RYR2: variants seen among roughly 807,000 people sequenced by gnomAD.
RYR2 encodes the protein cardiac muscle ryanodine receptor-calcium release channel.
A neutral mutation model predicts 601.1 loss-of-function variants in RYR2; 227 were observed. The ratio of observed to expected loss-of-function variants is 0.38; its 90% CI spans 0.34 to 0.42. RYR2 has a LOEUF of 0.42. Ranked by LOEUF, RYR2 falls within the 10% of genes least tolerant of loss-of-function variation. The pLI is 1.00. For missense variants in RYR2, 4,646 were observed against 6,156.5 expected (o/e 0.75, Z 8.21); for synonymous variants, 2,223 against 2,175.1 (o/e 1.02, Z -0.61).
chr1:237,743,233 G>A (rs529440770), intron 80 of RYR2, among the ~76,000 whole-genome samples: 88 of 152,228 alleles, frequency 5.8e-4, no homozygotes, highest in Middle Eastern at 3.4e-3. Context: ...CCACAAAAAC[G>A]TATTAGCCAA....
chr1:237,224,968 G>C (rs558104069), intron 1 of RYR2, among the ~76,000 whole-genome samples: 1 of 152,304 alleles, frequency 6.6e-6, no homozygotes, highest in African/African-American at 2.4e-5. Flanking sequence ...GGCAGAGAGG[G>C]ATTTGAACAT....
At chr1:237,736,455 C>T (rs1691155185) in intron 79 of RYR2, among the ~76,000 whole-genome samples, 1 of 81,892 alleles carries the variant, frequency 1.2e-5, no homozygotes. Context: ...GAGTGAGAGT[C>T]CGTTTCAAAA....
At chr1:237,504,557 G>A (rs1040822325) in intron 22 of RYR2, among the ~76,000 whole-genome samples, 8 of 152,172 alleles carry the variant, frequency 5.3e-5, no homozygotes, top group Admixed American at 3.9e-4. Flanking sequence ...GCAAGTCACA[G>A]GGGATGCGAA....
intron 2 of RYR2, among the ~76,000 whole-genome samples, chr1:237,301,770 A>G (rs145531719): frequency 1.3e-5 from 2 of 152,264 alleles, no homozygotes; most frequent in South Asian, 2.1e-4. Flanking sequence ...CTTTATTCGC[A>G]TGGTAGAATT....
At chr1:237,445,255 T>C in intron 13 of RYR2, 146 bp from the exon 14 acceptor site, 1 of 888,774 alleles carries the variant, frequency 1.1e-6, no homozygotes, top group Admixed American at 2.6e-5. Context: ...TATGATTTTA[T>C]CTGAACGTAA....
In RYR2 at chr1:237,105,272, G is replaced by T. The variant is rs143807572; in HGVS notation, c.48+62703G>T. On this transcript the variant is annotated intron_variant, in intron 1 of 104. Transcript: ENST00000366574. ...GCCCTCATGGGGCTGAGAGTCTGGT[G>T]GGGAAGACCTGTTGAAAAACAATCA... 9.2e-5 allele frequency among the ~76,000 whole-genome samples: 14 copies of T among 152,282 alleles called. No individual in the cohort carries two copies. The East Asian group carries it at 2.7e-3, about 29-fold the overall frequency.
chr1:237,449,860 G>T (rs968170391), intron 14 of RYR2, among the ~76,000 whole-genome samples: 10 of 151,734 alleles, frequency 6.6e-5, no homozygotes, highest in African/African-American at 2.4e-4. Flanking sequence ...CAGACATTGT[G>T]AATTTGTTAG....
intron 62 of RYR2, among the ~76,000 whole-genome samples, chr1:237,683,710 T>A (rs953074168): frequency 1.3e-5 from 2 of 152,212 alleles, no homozygotes; most frequent in African/African-American, 4.8e-5. Flanking sequence ...AATTCATTAA[T>A]ACTAAGAAGC....
At chr1:237,518,150 C>G (rs1666742179) in intron 24 of RYR2, among the ~76,000 whole-genome samples, 1 of 152,118 alleles carries the variant, frequency 6.6e-6, no homozygotes, top group African/African-American at 2.4e-5. Flanking sequence ...GATTGCCACC[C>G]TATGCTAACC....
intron 3 of RYR2, among the ~76,000 whole-genome samples, chr1:237,343,286 G>C (rs1474250289): frequency 6.6e-6 from 1 of 151,310 alleles, no homozygotes; most frequent in Non-Finnish European, 1.5e-5. Flanking sequence ...CAAAGATAAA[G>C]CTAAATGAAA....
intron 18 of RYR2, 89 bp downstream of exon 18, chr1:237,492,013 A>G (rs530664209): frequency 1.0e-5 from 7 of 678,334 alleles, no homozygotes; most frequent in Non-Finnish European, 1.8e-5. Flanking sequence ...AGTGTGTCAA[A>G]TTTTTCATGA....
chr1:237,494,941 C>T (rs1001295662), intron 19 of RYR2, among the ~76,000 whole-genome samples: 4 of 152,032 alleles, frequency 2.6e-5, no homozygotes, highest in Non-Finnish European at 5.9e-5. Flanking sequence ...CAGGTGCACA[C>T]CACCACACCC....
intron 6 of RYR2, among the ~76,000 whole-genome samples, chr1:237,371,752 A>G (rs1250112670): frequency 3.9e-5 from 6 of 152,214 alleles, no homozygotes; most frequent in Non-Finnish European, 8.8e-5. Context: ...TTGTAGGGAC[A>G]TGGATGAAGC....
At chr1:237,436,521 G>GTCAGTACC (rs1462058982) in intron 12 of RYR2, among the ~76,000 whole-genome samples, 1 of 127,234 alleles carries the variant, frequency 7.9e-6, no homozygotes, top group Non-Finnish European at 1.6e-5. Flanking sequence ...GGCCTGGCCT[G>GTCAGTACC]TCAGTACCAG....
chr1:237,431,950 T>C (rs923544404), intron 12 of RYR2, among the ~76,000 whole-genome samples: 1 of 152,202 alleles, frequency 6.6e-6, no homozygotes, highest in Non-Finnish European at 1.5e-5. Flanking sequence ...TTTTGATAGA[T>C]GAAAAATCAG....
chr1:237,548,460 C>A lies in RYR2; in HGVS notation c.2936C>A (p.Ala979Asp). The change falls in exon 26 of 105, where the codon GCC (alanine) becomes GAC (aspartate). Residue 979 changes from alanine to aspartate, a missense_variant. By Grantham distance (126) the Ala-to-Asp change is moderately radical. Transcript: ENST00000366574. ...NYQLTSGYKPAPMDLSFIKLT... is the reference protein window; with the variant it reads ...NYQLTSGYKPDPMDLSFIKLT... ...CAGCTGACAAGTGGATACAAGCCTG[C>A]CCCTATGGACCTGAGCTTTATCAAA... 1 of 1,613,932 alleles carries A rather than the reference C, an allele frequency of 6.2e-7. No individual in the cohort carries two copies. The highest frequency in any genetic ancestry group is 8.5e-7 in the Non-Finnish European group (1 of 1,179,874).
intron 2 of RYR2, among the ~76,000 whole-genome samples, chr1:237,324,664 T>A (rs1695974649): frequency 6.6e-6 from 1 of 152,192 alleles, no homozygotes; most frequent in African/African-American, 2.4e-5. Flanking sequence ...CGGATAAGTA[T>A]TTTTCCACTT....
chr1:237,081,280 TAAAAAAAA>T (rs397815900), intron 1 of RYR2, among the ~76,000 whole-genome samples: 1 of 56,262 alleles, frequency 1.8e-5, no homozygotes, highest in Admixed American at 1.9e-4. Flanking sequence ...TAGAGTATAA[TAAAAAAAA>T]AAAAAAAAAA....
intron 23 of RYR2, among the ~76,000 whole-genome samples, chr1:237,509,649 G>A (rs10802616): frequency 0.98 from 149,235 of 152,326 alleles, 73,188 homozygotes; most frequent in Middle Eastern, 1. Flanking sequence ...TTTTGAAAAG[G>A]CCTTGACTTT....
Sources: allele counts gnomAD v4.1 joint callset (sites outside exome capture counted in the v4.1 genomes callset), GRCh38; gene constraint gnomAD v4.1.1; transcripts MANE v1.5; gene names NCBI Gene and HGNC (gene_info 2026-07-23, HGNC 2026-07-21).